GRIN3A: variants seen among roughly 807,000 people sequenced by gnomAD.
The protein encoded by GRIN3A is glutamate ionotropic receptor NMDA type subunit 3A.
GRIN3A carries 47 observed loss-of-function variants against 92.4 expected under a neutral mutation model. The observed-to-expected ratio is 0.51, with a 90% CI of 0.40 to 0.65. The LOEUF (loss-of-function observed/expected upper bound fraction) is 0.65. GRIN3A is among the 30% of genes least tolerant of loss of function. GRIN3A has a pLI of 0.00. For synonymous variants in GRIN3A, 527 were observed against 540.6 expected (o/e 0.97, Z 0.35); for missense variants, 1,324 against 1,393.1 (o/e 0.95, Z 0.79).
rs945832584 is a variant in GRIN3A at position 101,657,750 on chromosome 9, A to G, written c.2352+12310T>C. Among the ~76,000 whole-genome samples the G allele has an allele frequency of 2.5e-4, 37 of 149,646 alleles. 1 individual carries two copies. The Admixed American group carries it at 2.5e-3, about 10-fold the overall frequency. ...ACAGAGGTGGTGGATGGAAGACACT[A>G]TGCAGATAAGCAACTTCTTCTTTTT... is the stretch of plus-strand genomic sequence containing the variant. On this transcript the variant is annotated intron_variant, in intron 3 of 8. Transcript: ENST00000361820.
intron 3 of GRIN3A, 23 bp from the exon 4 acceptor site, chr9:101,628,424 G>A: frequency 6.2e-7 from 1 of 1,607,996 alleles, no homozygotes; most frequent in Non-Finnish European, 8.5e-7. Flanking sequence ...AAAAGAAATG[G>A]CTTAAATAAA....
chr9:101,599,848 G>A (rs1207638855), intron 6 of GRIN3A, among the ~76,000 whole-genome samples: 7 of 152,160 alleles, frequency 4.6e-5, no homozygotes, highest in Non-Finnish European at 7.3e-5. Flanking sequence ...TTGACATTTG[G>A]TTGGAAGCTC....
chr9:101,613,747 G>T (rs1682444469), intron 5 of GRIN3A, among the ~76,000 whole-genome samples: 1 of 152,148 alleles, frequency 6.6e-6, no homozygotes, highest in South Asian at 2.1e-4. Flanking sequence ...GAGAGGAATG[G>T]GCTGTGCACA....
chr9:101,675,416 A>G (rs1179183658), intron 2 of GRIN3A, among the ~76,000 whole-genome samples: 1 of 151,934 alleles, frequency 6.6e-6, no homozygotes, highest in Non-Finnish European at 1.5e-5. Flanking sequence ...TTGCATGCAA[A>G]ATGTTGACAT....
At chr9:101,693,560 T>C (rs1266110573) in intron 1 of GRIN3A, among the ~76,000 whole-genome samples, 2 of 152,204 alleles carry the variant, frequency 1.3e-5, no homozygotes, top group East Asian at 3.8e-4. Context: ...GTAGATTTAA[T>C]AATTTCCAAT....
chr9:101,588,142 C>T (rs7873495), intron 6 of GRIN3A, among the ~76,000 whole-genome samples: 18,956 of 151,912 alleles, frequency 0.12, 1,356 homozygotes, highest in East Asian at 0.17. Flanking sequence ...TAAGATTGTG[C>T]GGTGCAATCA....
At chr9:101,664,835 C>T (rs1370272061) in intron 3 of GRIN3A, among the ~76,000 whole-genome samples, 1 of 151,850 alleles carries the variant, frequency 6.6e-6, no homozygotes, top group Admixed American at 6.6e-5. Context: ...GCATTCTAAA[C>T]AATTAGGATC....
rs779449791 is a variant in GRIN3A at position 101,670,405 on chromosome 9, G to A, written c.2007C>T (p.Phe669=). 8.1e-6 allele frequency: 13 copies of A among 1,613,906 alleles called. No individual in the cohort carries two copies. Among genetic ancestry groups the A allele is most frequent in the African/African-American group, 1.3e-5 (1 of 74,920 alleles). ...ACATTGTCCAGTGGAGTGGCCACAT[G>A]AAGGCTCCAATGGGAGCTGCTGTAT... ...TRDTAAPIGA[F]MWPLHWTMWL... The change falls in exon 3 of 9, where the codon TTC becomes TTT. Residue 669 remains phenylalanine (F), a synonymous_variant. Transcript: ENST00000361820.
At chr9:101,676,803 C>T (rs961331461) in intron 2 of GRIN3A, among the ~76,000 whole-genome samples, 15 of 151,802 alleles carry the variant, frequency 9.9e-5, no homozygotes, top group African/African-American at 3.6e-4. Context: ...GTAGAAAACC[C>T]AGCTCAATAA....
At position 101,669,864 on chromosome 9, in the gene GRIN3A, T is replaced by G. The variant is rs191703713; in HGVS notation, c.2352+196A>C. On this transcript the variant is annotated intron_variant, in intron 3 of 8. Coordinates refer to ENST00000361820, the MANE Select transcript of GRIN3A (RefSeq NM_133445.3). The stretch of plus-strand genomic sequence containing the variant: ...AAAGACACTCCCCAAAACTTCTCAG[T>G]CTTTTTGTTTCGTTTATGAAACAAA... Among the ~76,000 whole-genome samples the G allele has an allele frequency of 4.9e-3, 740 of 152,218 alleles. 23 individuals carry two copies. Among genetic ancestry groups the G allele is most frequent in the Admixed American group, 0.043 (659 of 15,278 alleles).
At chr9:101,702,271 C>A (rs1218083936) in intron 1 of GRIN3A, among the ~76,000 whole-genome samples, 1 of 152,132 alleles carries the variant, frequency 6.6e-6, no homozygotes, top group African/African-American at 2.4e-5. Flanking sequence ...CACTGCACCT[C>A]AGCCTGGTTG....
rs995606048 is a variant in GRIN3A at position 101,570,125 on chromosome 9, C to T, written c.*3049G>A. Reference sequence around the variant, plus strand: ...TTGTTTTTAAATTTTGGGAGATTCCCCTTTCTCCTCCACCTGGAAGCATAC... The same window carrying T: ...TTGTTTTTAAATTTTGGGAGATTCCTCTTTCTCCTCCACCTGGAAGCATAC... On this transcript the variant is annotated 3_prime_UTR_variant, in exon 9 of 9. Coordinates refer to ENST00000361820, the MANE Select transcript of GRIN3A (RefSeq NM_133445.3). 1 of 152,104 alleles carries T rather than the reference C, an allele frequency of 6.6e-6. No homozygotes were observed. The highest frequency in any genetic ancestry group is 2.4e-5 in the African/African-American group (1 of 41,394). The allele number at this position is 152,104 out of a possible 1,614,324, so 9.4% of individuals were successfully genotyped here.
chr9:101,605,228 G>A (rs1828263316), intron 6 of GRIN3A, among the ~76,000 whole-genome samples: 1 of 152,224 alleles, frequency 6.6e-6, no homozygotes, highest in African/African-American at 2.4e-5. Flanking sequence ...ATTTGTCAAA[G>A]GTCATGGAAC....
chr9:101,685,081 T>C (rs1293277199), intron 2 of GRIN3A, among the ~76,000 whole-genome samples: 3 of 152,166 alleles, frequency 2.0e-5, no homozygotes, highest in Non-Finnish European at 4.4e-5. Context: ...CAGATGATGA[T>C]AGAACATCTA....
At chr9:101,696,151 C>T (rs2118992997) in intron 1 of GRIN3A, among the ~76,000 whole-genome samples, 1 of 152,274 alleles carries the variant, frequency 6.6e-6, no homozygotes, top group African/African-American at 2.4e-5. Context: ...GGACTCTTGT[C>T]AGGAACTTGG....
intron 1 of GRIN3A, among the ~76,000 whole-genome samples, chr9:101,707,101 T>C (rs908139527): frequency 1.3e-5 from 2 of 152,214 alleles, no homozygotes; most frequent in African/African-American, 2.4e-5. Context: ...TAAACAATCA[T>C]GATGTTGAAA....
intron 3 of GRIN3A, among the ~76,000 whole-genome samples, chr9:101,634,840 A>C (rs1828763876): frequency 6.6e-6 from 1 of 152,234 alleles, no homozygotes; most frequent in Admixed American, 6.5e-5. Flanking sequence ...AAAGGGGGAC[A>C]CTATTGATGA....
chr9:101,699,355 T>A (rs1366195463), intron 1 of GRIN3A, among the ~76,000 whole-genome samples: 1 of 152,100 alleles, frequency 6.6e-6, no homozygotes, highest in Admixed American at 6.6e-5. Context: ...AGGACCTGCC[T>A]GAGGTTGTTT....
At chr9:101,597,164 CG>C (rs1411390452) in intron 6 of GRIN3A, among the ~76,000 whole-genome samples, 1 of 152,176 alleles carries the variant, frequency 6.6e-6, no homozygotes, top group Non-Finnish European at 1.5e-5. Flanking sequence ...TCAGAAAAGA[CG>C]GACTTTTCCC....
Sources: allele counts gnomAD v4.1 joint callset (sites outside exome capture counted in the v4.1 genomes callset), GRCh38; gene constraint gnomAD v4.1.1; transcripts MANE v1.5; gene names NCBI Gene and HGNC (gene_info 2026-07-23, HGNC 2026-07-21).